EYS: variants seen among roughly 807,000 people sequenced by gnomAD.
EYS encodes protein eyes shut homolog.
EYS carries 250 observed loss-of-function variants against 282.1 expected under a neutral mutation model. The observed-to-expected ratio is 0.89, with a 90% confidence interval of 0.80 to 0.98. The LOEUF is 0.98. EYS is among the 50% of genes least tolerant of loss of function. EYS has a pLI of 0.00. For missense variants in EYS, 4,016 were observed against 3,709.0 expected (o/e 1.08, Z -2.15); for synonymous variants, 1,355 against 1,282.9 (o/e 1.06, Z -1.20).
intron 5 of EYS, among the ~76,000 whole-genome samples, chr6:65,417,579 T>C (rs143145382): frequency 6.6e-6 from 1 of 152,198 alleles, no homozygotes; most frequent in African/African-American, 2.4e-5. Flanking sequence ...TTGTGGGCCA[T>C]CAGGTCTCTT....
At chr6:64,572,707 C>A (rs1765764160) in intron 26 of EYS, among the ~76,000 whole-genome samples, 1 of 152,132 alleles carries the variant, frequency 6.6e-6, no homozygotes, top group Admixed American at 6.5e-5. Context: ...AGGAATCCAA[C>A]TTACAAGGTA....
At chr6:65,396,426 T>C (rs9453294) in intron 7 of EYS, among the ~76,000 whole-genome samples, 73,086 of 151,840 alleles carry the variant, frequency 0.48, 17,880 homozygotes, top group South Asian at 0.54. Flanking sequence ...ACCCTACCAA[T>C]CTTCAGTGTC....
intron 31 of EYS, among the ~76,000 whole-genome samples, chr6:64,137,381 T>C (rs896660057): frequency 6.6e-6 from 1 of 152,160 alleles, no homozygotes; most frequent in African/African-American, 2.4e-5. Flanking sequence ...TCAAGATCTT[T>C]TCCTTTGCAT....
At chr6:63,978,258 A>C (rs1766934567) in intron 35 of EYS, among the ~76,000 whole-genome samples, 1 of 151,982 alleles carries the variant, frequency 6.6e-6, no homozygotes, top group Non-Finnish European at 1.5e-5. Context: ...TCTTACCGAA[A>C]ACCTGGTTAG....
chr6:64,796,402 G>C (rs1774355486), intron 22 of EYS, among the ~76,000 whole-genome samples: 1 of 152,160 alleles, frequency 6.6e-6, no homozygotes, highest in South Asian at 2.1e-4. Context: ...CCAGCAGTGT[G>C]TTCTAAAAAC....
intron 16 of EYS, 96 bp from the exon 17 acceptor site, chr6:64,902,596 AG>A (rs1185950741): frequency 5.5e-5 from 35 of 633,298 alleles, no homozygotes; most frequent in Non-Finnish European, 8.7e-5. Context: ...CTCATAATGG[AG>A]GTTAAAAAAG....
At chr6:64,895,714 T>A (rs1767438743) in intron 18 of EYS, among the ~76,000 whole-genome samples, 1 of 152,172 alleles carries the variant, frequency 6.6e-6, no homozygotes, top group Non-Finnish European at 1.5e-5. Context: ...GAACTTAATA[T>A]GTAGCAGACA....
At chr6:64,838,616 CTACA>C (rs1456468732) in intron 19 of EYS, among the ~76,000 whole-genome samples, 1 of 63,492 alleles carries the variant, frequency 1.6e-5, no homozygotes, top group East Asian at 3.8e-4. Flanking sequence ...TTCTGTTTCT[CTACA>C]CACACACACA....
At chr6:64,371,093 C>A (rs1772353105) in intron 29 of EYS, among the ~76,000 whole-genome samples, 1 of 151,804 alleles carries the variant, frequency 6.6e-6, no homozygotes, top group Non-Finnish European at 1.5e-5. Flanking sequence ...TCTAGTTCCT[C>A]TAATTGTGAT....
At chr6:65,385,908 G>C (rs972323378) in intron 7 of EYS, among the ~76,000 whole-genome samples, 3 of 151,896 alleles carry the variant, frequency 2.0e-5, no homozygotes, top group Non-Finnish European at 4.4e-5. Flanking sequence ...ATAGCATAGA[G>C]AAGAAGAGAA....
intron 35 of EYS, among the ~76,000 whole-genome samples, chr6:63,980,651 T>C (rs1767044566): frequency 6.6e-6 from 1 of 151,902 alleles, no homozygotes; most frequent in African/African-American, 2.4e-5. Flanking sequence ...ACACATCTTA[T>C]TGAAATTGAT....
At chr6:64,116,476 A>G (rs1773389320) in intron 31 of EYS, among the ~76,000 whole-genome samples, 1 of 152,198 alleles carries the variant, frequency 6.6e-6, no homozygotes, top group African/African-American at 2.4e-5. Flanking sequence ...AAAGAGACAG[A>G]AAGGAACAAA....
chr6:65,318,208 G>C (rs1769368136), intron 11 of EYS, among the ~76,000 whole-genome samples: 1 of 151,214 alleles, frequency 6.6e-6, no homozygotes, highest in Non-Finnish European at 1.5e-5. Flanking sequence ...CCTCTCCATA[G>C]AACTGTTCAC....
At chr6:64,783,546 G>A (rs1214338557) in intron 22 of EYS, among the ~76,000 whole-genome samples, 2 of 151,818 alleles carry the variant, frequency 1.3e-5, no homozygotes, top group Non-Finnish European at 2.9e-5. Flanking sequence ...CTCTTATGTG[G>A]CTTTTCATAT....
intron 31 of EYS, among the ~76,000 whole-genome samples, chr6:64,116,752 G>T (rs1442157502): frequency 6.6e-6 from 1 of 152,062 alleles, no homozygotes; most frequent in Non-Finnish European, 1.5e-5. Context: ...AATGTAAACG[G>T]AAAGTAAGAG....
At chr6:63,843,599 T>A (rs886352938) in intron 36 of EYS, among the ~76,000 whole-genome samples, 1 of 152,144 alleles carries the variant, frequency 6.6e-6, no homozygotes, top group Non-Finnish European at 1.5e-5. Flanking sequence ...ATGGAACGTA[T>A]CTCAAAATAA....
intron 35 of EYS, among the ~76,000 whole-genome samples, chr6:63,953,037 G>A (rs1205226598): frequency 1.3e-5 from 2 of 152,144 alleles, no homozygotes; most frequent in East Asian, 1.9e-4. Context: ...CAACCAAATT[G>A]TTTGGCCTAT....
At chr6:64,116,076 C>A (rs1172980233) in intron 31 of EYS, among the ~76,000 whole-genome samples, 1 of 151,666 alleles carries the variant, frequency 6.6e-6, no homozygotes, top group Admixed American at 6.6e-5. Flanking sequence ...CAAAAAAGAA[C>A]CAAAGAGAAA....
At chr6:65,577,335 A>G (rs942291800) in intron 2 of EYS, among the ~76,000 whole-genome samples, 2 of 151,892 alleles carry the variant, frequency 1.3e-5, no homozygotes, top group Non-Finnish European at 2.9e-5. Flanking sequence ...GAATGAGGAA[A>G]TGACAGTCTT....
Sources: gnomAD v4.1 joint callset for allele counts (sites outside exome capture counted in the v4.1 genomes callset) on GRCh38, gnomAD v4.1.1 for gene constraint, MANE v1.5 for transcripts, NCBI Gene and HGNC (gene_info 2026-07-23, HGNC 2026-07-21) for gene names.